PADI2: variants seen among roughly 807,000 people sequenced by gnomAD.
PADI2 encodes peptidyl arginine deiminase 2, also known as protein-arginine deiminase type-2.
A neutral mutation model predicts 81.1 loss-of-function variants in PADI2; 70 were observed. The observed-to-expected ratio is 0.86, with a 90% confidence interval of 0.71 to 1.05. The LOEUF (loss-of-function observed/expected upper bound fraction) is 1.05, where lower values mean the gene tolerates loss of function less well. Ranked by LOEUF, PADI2 falls within the 50% of genes least tolerant of loss-of-function variation. The pLI is 0.00. For synonymous variants in PADI2, 338 were observed against 358.0 expected (o/e 0.94, Z 0.63); for missense variants, 853 against 889.9 (o/e 0.96, Z 0.53).
chr1:17,074,189 C>A (rs1374562179), intron 13 of PADI2, among the ~76,000 whole-genome samples: 1 of 151,742 alleles, frequency 6.6e-6, no homozygotes, highest in Non-Finnish European at 1.5e-5. Flanking sequence ...GACAGGAGTT[C>A]AAGACCAGCC....
chr1:17,109,068 A>AG (rs1252555439), intron 1 of PADI2, among the ~76,000 whole-genome samples: 1 of 152,020 alleles, frequency 6.6e-6, no homozygotes, highest in African/African-American at 2.4e-5. Flanking sequence ...CCCTGGGCAA[A>AG]GGGGTGAGGA....
At chr1:17,082,342 C>T (rs546556856) in intron 10 of PADI2, among the ~76,000 whole-genome samples, 43 of 152,262 alleles carry the variant, frequency 2.8e-4, no homozygotes, top group African/African-American at 1.0e-3. Flanking sequence ...AGAAAACTCT[C>T]TATGTTTTGG....
rs376698911 is a variant in PADI2, at chr1:17,075,756, C to A, written c.1378G>T (p.Val460Leu). 1 of 1,613,972 alleles carries A rather than the reference C, an allele frequency of 6.2e-7. No individual in the cohort carries two copies. Among genetic ancestry groups the A allele is most frequent in the African/African-American group, 1.3e-5 (1 of 75,010 alleles). ...GTCAGCCAGTCTGAGTAGAGCTCCA[C>A]GGGCGCCTGCACCTGCTGGGCCTTC... ...FLKAQQVQAPVELYSDWLTVG... is the reference protein window; with the variant it reads ...FLKAQQVQAPLELYSDWLTVG... The change falls in exon 12 of 16, where the codon GTG (valine) becomes TTG (leucine). Residue 460 changes from valine (V) to leucine (L), a missense_variant. Transcript: ENST00000375486.
Position 17,114,180 on chromosome 1 carries a change from C to T in PADI2, c.92+5100G>A, listed in dbSNP as rs191723245. On this transcript the variant is annotated intron_variant, in intron 1 of 15. Transcript: ENST00000375486. The stretch of plus-strand genomic sequence containing the variant: ...CCAAGCTTGGCCACATGCCCTTGAC[C>T]TTCCACAGGCCCATCCAACGGTGCC... Among the ~76,000 whole-genome samples the T allele has an allele frequency of 2.0e-5, 3 of 152,364 alleles. No individual in the cohort carries two copies. In the East Asian group the frequency reaches 5.8e-4, roughly 29 times the overall value.
intron 6 of PADI2, among the ~76,000 whole-genome samples, chr1:17,091,260 G>A (rs538229724): frequency 2.0e-5 from 3 of 147,328 alleles, no homozygotes; most frequent in Non-Finnish European, 3.0e-5. Context: ...AGGTGGGTTC[G>A]GGGCTGGGCC....
Position 17,071,485 on chromosome 1 carries a change from C to T in PADI2, c.1556G>A (p.Gly519Asp), listed in dbSNP as rs759420802. ...GGTGATTCGCTTGCTGCTCATCCCACCCAAGCCTGTGGGGTTCAAAGGACA... is the reference window on the plus strand; with the variant it reads ...GGTGATTCGCTTGCTGCTCATCCCATCCAAGCCTGTGGGGTTCAAAGGACA... ...HGEAIMFKGL[G>D]GMSSKRITIN... Residue 519 changes from glycine to aspartate, a missense_variant, in exon 14 of 16, where the codon GGT becomes GAT. Physicochemically the swap from Gly to Asp is moderately conservative, Grantham distance 94. Transcript: ENST00000375486. The T allele has an allele frequency of 3.1e-6, 5 of 1,613,766 alleles. No homozygotes were observed. In the South Asian group the frequency reaches 5.5e-5, roughly 18 times the overall value.
chr1:17,106,963 A>G (rs1931403181), intron 1 of PADI2, among the ~76,000 whole-genome samples: 1 of 151,718 alleles, frequency 6.6e-6, no homozygotes, highest in South Asian at 2.1e-4. Context: ...CAGCCTCCAG[A>G]ATTGTGAGAA....
rs973972188 is a variant in PADI2 at position 17,104,892 on chromosome 1, C to T, written c.262G>A (p.Ala88Thr). The T allele has an allele frequency of 9.5e-6, 15 of 1,578,700 alleles. No homozygotes were observed. The highest frequency in any genetic ancestry group is 1.3e-5 in the Non-Finnish European group (15 of 1,161,668). Residue 88 changes from alanine (A) to threonine (T), a missense_variant, in exon 2 of 16, where the codon GCC becomes ACC. Physicochemically the swap from Ala to Thr is moderately conservative, Grantham distance 58 (BLOSUM62 0). Coordinates refer to ENST00000375486, the MANE Select transcript of PADI2 (RefSeq NM_007365.3). Reference protein sequence around the residue: ...RVTMSQASTEASSDKVTVNYY... With the variant: ...RVTMSQASTETSSDKVTVNYY... ...CGCCGTGGTACCTTGTCACTGCTGG[C>T]CTCGGTGCTCGCCTGGCTCATGGTG... is the stretch of plus-strand genomic sequence containing the variant.
intron 1 of PADI2, among the ~76,000 whole-genome samples, chr1:17,108,871 A>G (rs1931474476): frequency 6.6e-6 from 1 of 152,258 alleles, no homozygotes; most frequent in African/African-American, 2.4e-5. Flanking sequence ...GGCCAAAGCC[A>G]TGAGAGTCTG....
chr1:17,113,686 A>T lies in PADI2; in HGVS notation c.92+5594T>A, dbSNP rs574405678. 3.9e-5 allele frequency among the ~76,000 whole-genome samples: 6 copies of T among 152,334 alleles called. 1 individual carries two copies. The highest frequency in any genetic ancestry group is 3.4e-3 in the Middle Eastern group (1 of 294). On this transcript the variant is annotated intron_variant, in intron 1 of 15. Coordinates refer to ENST00000375486, the MANE Select transcript of PADI2 (RefSeq NM_007365.3). ...TATTTCACAGGTGGGAGTCTGAGAC[A>T]CAGAGAAGGGACACTAAAGACTGGC... is the stretch of plus-strand genomic sequence containing the variant.
Position 17,083,756 on chromosome 1 carries a change from C to T in PADI2, c.1020G>A (p.Gln340=). Residue 340 remains glutamine (Q), a synonymous_variant, in exon 9 of 16, where the codon CAG becomes CAA. Transcript: ENST00000375486. Reference sequence around the variant, plus strand: ...TCCAGCGATCGCCTCGGTTTAGGTACTGGAAGCAGACCTTCAGCTCACAGT... The same window carrying T: ...TCCAGCGATCGCCTCGGTTTAGGTATTGGAAGCAGACCTTCAGCTCACAGT... ...KTNCELKVCF[Q]YLNRGDRWIQ... is the part of the protein sequence containing the mutation. 6.2e-7 allele frequency: 1 copy of T among 1,613,704 alleles called. No homozygotes were observed. Among genetic ancestry groups the T allele is most frequent in the Non-Finnish European group, 8.5e-7 (1 of 1,179,582 alleles).
intron 1 of PADI2, among the ~76,000 whole-genome samples, chr1:17,117,156 G>T (rs758833366): frequency 3.3e-5 from 5 of 152,118 alleles, no homozygotes; most frequent in Non-Finnish European, 7.3e-5. Flanking sequence ...GTTCTGTCCC[G>T]GTGTCACTGG....
intron 1 of PADI2, 115 bp from the exon 2 acceptor site, chr1:17,105,176 T>G: frequency 1.5e-6 from 1 of 673,706 alleles, no homozygotes; most frequent in African/African-American, 1.8e-5. Context: ...GAGAATCACT[T>G]GAGCCCAGGC....
chr1:17,078,193 C>T (rs755397654), intron 11 of PADI2, among the ~76,000 whole-genome samples: 38 of 152,170 alleles, frequency 2.5e-4, no homozygotes, highest in Non-Finnish European at 4.4e-4. Flanking sequence ...CTCACTGCAA[C>T]CTCTGCCTCC....
rs762954645 is a variant in PADI2 at position 17,070,231 on chromosome 1, G to C, written c.1636-15C>G. On this transcript the variant is annotated splice_polypyrimidine_tract_variant and intron_variant, in intron 14 of 15. Coordinates refer to ENST00000375486, the MANE Select transcript of PADI2 (RefSeq NM_007365.3). Reference sequence around the variant, plus strand: ...TCTAGGCAGCGCTGGGTAGGAGAAAGGATGGAGGGCATGCAGGTGAGGGGG... The same window carrying C: ...TCTAGGCAGCGCTGGGTAGGAGAAACGATGGAGGGCATGCAGGTGAGGGGG... The C allele has an allele frequency of 3.7e-5, 59 of 1,613,298 alleles. No homozygotes were observed. The East Asian group carries it at 1.3e-3, about 35-fold the overall frequency.
At chr1:17,074,987 G>C (rs769905126) in intron 12 of PADI2, 38 bp from the exon 13 acceptor site, 61 of 1,416,920 alleles carry the variant, frequency 4.3e-5, no homozygotes, top group Non-Finnish European at 5.9e-5. Flanking sequence ...GTCAGCAGTG[G>C]GAAGGCACCC....
chr1:17,072,619 G>C (rs1278436932), intron 13 of PADI2, among the ~76,000 whole-genome samples: 4 of 152,128 alleles, frequency 2.6e-5, no homozygotes, highest in Non-Finnish European at 5.9e-5. Flanking sequence ...TCCTCTCTCT[G>C]TCTGTCCCAA....
Position 17,079,245 on chromosome 1 carries a change from C to T in PADI2, c.1310+19G>A, listed in dbSNP as rs767855816. On this transcript the variant is annotated intron_variant, in intron 11 of 15. Transcript: ENST00000375486. Reference sequence around the variant, plus strand: ...TTCCCCACTCCCACAGCCCCTAGCCCCAGCCTGGCTTCTCTTACAGAGGAA... The same window carrying T: ...TTCCCCACTCCCACAGCCCCTAGCCTCAGCCTGGCTTCTCTTACAGAGGAA... The T allele has an allele frequency of 5.6e-6, 9 of 1,609,492 alleles. No individual in the cohort carries two copies. Among genetic ancestry groups the T allele is most frequent in the Non-Finnish European group, 7.6e-6 (9 of 1,176,774 alleles).
At chr1:17,118,645 G>A (rs1931838243) in intron 1 of PADI2, among the ~76,000 whole-genome samples, 1 of 152,208 alleles carries the variant, frequency 6.6e-6, no homozygotes, top group Non-Finnish European at 1.5e-5. Context: ...TCGTCAGCTG[G>A]GTAGAATATT....
Sources: gnomAD v4.1 joint callset for allele counts (sites outside exome capture counted in the v4.1 genomes callset) on GRCh38, gnomAD v4.1.1 for gene constraint, MANE v1.5 for transcripts, NCBI Gene and HGNC (gene_info 2026-07-23, HGNC 2026-07-21) for gene names.